NTM: variants seen among roughly 807,000 people sequenced by gnomAD.
NTM encodes neurotrimin, also known as IgLON family member 2.
Under a neutral mutation model 42.1 loss-of-function variants are expected in NTM, and 13 were observed. That is an observed-to-expected ratio of 0.31 (90% confidence interval 0.20 to 0.49). The LOEUF is 0.49. NTM is among the 20% of genes least tolerant of loss of function. NTM has a pLI of 0.99. For missense variants in NTM, 373 were observed against 452.8 expected (o/e 0.82, Z 1.60); for synonymous variants, 187 against 179.2 (o/e 1.04, Z -0.35).
chr11:132,177,267 A>T (rs2076963907), intron 3 of NTM, among the ~76,000 whole-genome samples: 1 of 152,190 alleles, frequency 6.6e-6, no homozygotes, highest in African/African-American at 2.4e-5. Flanking sequence ...TCAGTACCAA[A>T]TCCTGTGGGA....
chr11:132,030,030 G>T (rs937395497), intron 2 of NTM, among the ~76,000 whole-genome samples: 3 of 151,934 alleles, frequency 2.0e-5, no homozygotes, highest in Non-Finnish European at 4.4e-5. Context: ...ATATATTATT[G>T]TTTTGTCTTA....
intron 2 of NTM, among the ~76,000 whole-genome samples, chr11:132,020,631 G>A (rs1273798946): frequency 6.6e-6 from 1 of 151,184 alleles, no homozygotes; most frequent in South Asian, 2.1e-4. Context: ...CCTCATATTT[G>A]AAAAAAAAGG....
At position 131,370,842 on chromosome 11, in the gene NTM, C is replaced by T. The variant is rs1173556993; in HGVS notation, c.36C>T (p.Ile12=). The T allele has an allele frequency of 6.2e-7, 1 of 1,614,134 alleles. No individual in the cohort carries two copies. The highest frequency in any genetic ancestry group is 8.5e-7 in the Non-Finnish European group (1 of 1,179,986). ...TCCAGCCAAAAATGCACAATTCTAT[C>T]TCTTGGGCAATCTTCACGGGGCTGG... The part of the protein sequence containing the change: ...KTIQPKMHNS[I]SWAIFTGLAA... Residue 12 remains isoleucine (I), a synonymous_variant, in exon 1 of 9, where the codon ATC becomes ATT. Transcript: ENST00000683400.
At chr11:131,442,338 C>T (rs775323184) in intron 1 of NTM, among the ~76,000 whole-genome samples, 2 of 152,198 alleles carry the variant, frequency 1.3e-5, no homozygotes, top group Non-Finnish European at 2.9e-5. Flanking sequence ...TCATCCTCCT[C>T]ATCGATGACA....
At chr11:131,711,213 AT>A (rs1380117272) in intron 1 of NTM, among the ~76,000 whole-genome samples, 13 of 152,280 alleles carry the variant, frequency 8.5e-5, no homozygotes, top group African/African-American at 3.1e-4. Context: ...ATCGGAGAAA[AT>A]TTTTGCAACC....
intron 4 of NTM, among the ~76,000 whole-genome samples, chr11:132,273,269 C>A (rs183354452): frequency 1.5e-5 from 2 of 136,484 alleles, no homozygotes; most frequent in Admixed American, 1.5e-4. Context: ...ATTCATAGTG[C>A]GTAATCATTT....
intron 1 of NTM, among the ~76,000 whole-genome samples, chr11:131,677,682 A>T (rs60379349): frequency 0.03 from 4,567 of 152,304 alleles, 228 homozygotes; most frequent in African/African-American, 0.1. Flanking sequence ...TTCTCATAAG[A>T]ACCCAGAAAG....
At chr11:132,016,155 A>G (rs2073368921) in intron 2 of NTM, among the ~76,000 whole-genome samples, 1 of 151,130 alleles carries the variant, frequency 6.6e-6, no homozygotes, top group Non-Finnish European at 1.5e-5. Context: ...TTTCTGCATT[A>G]TTGAAATGAT....
intron 4 of NTM, among the ~76,000 whole-genome samples, chr11:132,222,748 A>G (rs1003075933): frequency 6.6e-6 from 1 of 152,116 alleles, no homozygotes; most frequent in African/African-American, 2.4e-5. Flanking sequence ...TTCTCTGCTT[A>G]CTGCCCTCAC....
chr11:131,586,588 T>C (rs1205594302), intron 1 of NTM, among the ~76,000 whole-genome samples: 1 of 152,172 alleles, frequency 6.6e-6, no homozygotes, highest in Non-Finnish European at 1.5e-5. Flanking sequence ...ACAGACTGAC[T>C]GTAACCTTAG....
At chr11:132,334,239 G>T (rs544339487) in intron 8 of NTM, among the ~76,000 whole-genome samples, 1 of 152,326 alleles carries the variant, frequency 6.6e-6, no homozygotes, top group Admixed American at 6.5e-5. Context: ...AAGCTGCTGG[G>T]GAACTGTACT....
At chr11:131,576,846 A>G (rs1514649) in intron 1 of NTM, among the ~76,000 whole-genome samples, 90,279 of 152,050 alleles carry the variant, frequency 0.59, 27,020 homozygotes, top group South Asian at 0.68. Flanking sequence ...TGTGACCCTG[A>G]GGAACTTCTT....
intron 1 of NTM, among the ~76,000 whole-genome samples, chr11:131,824,293 C>T (rs1418817837): frequency 6.6e-6 from 1 of 152,164 alleles, no homozygotes; most frequent in Non-Finnish European, 1.5e-5. Context: ...CATTGGAGTT[C>T]ATTGTCCCCT....
intron 1 of NTM, among the ~76,000 whole-genome samples, chr11:131,798,892 A>G (rs553134367): frequency 3.7e-4 from 57 of 152,326 alleles, no homozygotes; most frequent in African/African-American, 1.3e-3. Flanking sequence ...CTGCTTGTTC[A>G]GTGATATCTC....
In NTM at chr11:131,424,600, C is replaced by CTTTTCTTTTTTTTTT. The variant is rs1555108116; in HGVS notation, c.82+53716_82+53717insCTTTTTTTTTTTTTT. ...AGTTGTTTTTTATTTCTTTTCTTTT[C>CTTTTCTTTTTTTTTT]TTTTTTTTTTTTTTTTTTGGCGCAA... is the stretch of plus-strand genomic sequence containing the variant. On this transcript the variant is annotated intron_variant, in intron 1 of 8. Coordinates refer to ENST00000683400, the MANE Select transcript of NTM (RefSeq NM_001352005.2). Among the ~76,000 whole-genome samples, 45 of 56,034 alleles carry CTTTTCTTTTTTTTTT rather than the reference C, an allele frequency of 8.0e-4. 2 individuals carry two copies. The highest frequency in any genetic ancestry group is 1.2e-3 in the Non-Finnish European group (37 of 31,688). 36.8% of individuals were successfully genotyped at this position (56,034 alleles called of 152,430 possible).
At chr11:131,406,562 C>T (rs1945830882) in intron 1 of NTM, among the ~76,000 whole-genome samples, 1 of 152,068 alleles carries the variant, frequency 6.6e-6, no homozygotes. Flanking sequence ...GCTATTTTTC[C>T]TCTTATACAT....
intron 4 of NTM, among the ~76,000 whole-genome samples, chr11:132,234,023 C>G (rs1307686056): frequency 6.6e-6 from 1 of 152,212 alleles, no homozygotes; most frequent in Non-Finnish European, 1.5e-5. Flanking sequence ...CAACAAGACA[C>G]TTTCTTGCCT....
intron 1 of NTM, among the ~76,000 whole-genome samples, chr11:131,549,382 ATT>A (rs1023185191): frequency 9.8e-4 from 149 of 152,274 alleles, no homozygotes; most frequent in African/African-American, 3.5e-3. Flanking sequence ...ATTTTTTTTA[ATT>A]TTTGAATTAA....
chr11:131,499,568 T>C (rs1033373060), intron 1 of NTM, among the ~76,000 whole-genome samples: 3 of 152,202 alleles, frequency 2.0e-5, no homozygotes, highest in Non-Finnish European at 4.4e-5. Flanking sequence ...TCGGATCATA[T>C]CATTTTTTCC....
Sources: gnomAD v4.1 joint callset for allele counts (sites outside exome capture counted in the v4.1 genomes callset) on GRCh38, gnomAD v4.1.1 for gene constraint, MANE v1.5 for transcripts, NCBI Gene and HGNC (gene_info 2026-07-23, HGNC 2026-07-21) for gene names.